TBC1D5: variants seen among roughly 807,000 people sequenced by gnomAD.
The protein encoded by TBC1D5 is TBC1 domain family, member 5.
In TBC1D5, 75 loss-of-function variants were observed where a neutral mutation model predicts 100.3. That is an observed-to-expected ratio of 0.75 (90% CI 0.62 to 0.91). The LOEUF is 0.91. TBC1D5 is among the 40% of genes least tolerant of loss of function. TBC1D5 has a pLI of 0.00. For missense variants in TBC1D5, 910 were observed against 942.4 expected, an observed-to-expected ratio of 0.97 and a Z score of 0.45; for synonymous variants, 323 against 325.6, an observed-to-expected ratio of 0.99 and a Z score of 0.09.
chr3:17,705,011 C>A (rs1289806976), intron 1 of TBC1D5, among the ~76,000 whole-genome samples: 1 of 135,726 alleles, frequency 7.4e-6, no homozygotes, highest in Non-Finnish European at 1.6e-5. Context: ...GCTGACCCCC[C>A]CACCTCCCTC....
At chr3:17,587,605 T>C (rs2096740354) in intron 2 of TBC1D5, among the ~76,000 whole-genome samples, 2 of 152,054 alleles carry the variant, frequency 1.3e-5, no homozygotes, top group South Asian at 4.1e-4. Context: ...ATACAATTCA[T>C]GTTTTATTTG....
chr3:17,741,266 CTG>C (rs568337531), upstream of TBC1D5, among the ~76,000 whole-genome samples: 217 of 152,240 alleles, frequency 1.4e-3, 2 homozygotes, highest in Middle Eastern at 0.041. Context: ...TTTGAGTGTT[CTG>C]TGATACTGCA....
chr3:17,464,108 C>T (rs936561951), intron 3 of TBC1D5, among the ~76,000 whole-genome samples: 5 of 152,052 alleles, frequency 3.3e-5, no homozygotes, highest in African/African-American at 1.2e-4. Context: ...TGCGCCAACA[C>T]ACCCCGTTAA....
chr3:17,618,936 A>G (rs1056273793), intron 2 of TBC1D5, among the ~76,000 whole-genome samples: 1 of 152,170 alleles, frequency 6.6e-6, no homozygotes, highest in Non-Finnish European at 1.5e-5. Context: ...CAGTGAGATG[A>G]ACCAGGTACC....
intron 17 of TBC1D5, among the ~76,000 whole-genome samples, chr3:17,236,693 C>T (rs1170874731): frequency 6.6e-6 from 1 of 152,070 alleles, no homozygotes; most frequent in African/African-American, 2.4e-5. Flanking sequence ...ACCATGTTGG[C>T]CAGGATGGTC....
intron 3 of TBC1D5, among the ~76,000 whole-genome samples, chr3:17,469,640 C>G (rs1185001287): frequency 6.6e-6 from 1 of 152,214 alleles, no homozygotes; most frequent in Non-Finnish European, 1.5e-5. Flanking sequence ...AATTCTAAAC[C>G]TATCAATCAA....
rs1271114956 is a variant in TBC1D5 at position 17,359,420 on chromosome 3, A to G, written c.995+12655T>C. ...TCCATCTTGGTATTATGGGTCAGAT[A>G]AAATTATACCGGTAAAACTCTGTCC... On this transcript the variant is annotated intron_variant, in intron 13 of 21. Coordinates refer to ENST00000253692, the Ensembl canonical transcript of TBC1D5. Among the ~76,000 whole-genome samples the G allele has an allele frequency of 2.6e-5, 4 of 152,224 alleles. No individual in the cohort carries two copies. The East Asian group carries it at 7.7e-4, about 29-fold the overall frequency.
At chr3:17,615,258 T>G (rs555226051) in intron 2 of TBC1D5, among the ~76,000 whole-genome samples, 89 of 152,310 alleles carry the variant, frequency 5.8e-4, no homozygotes, top group African/African-American at 2.0e-3. Context: ...TGGATAAACT[T>G]TTTGATATGC....
At chr3:17,355,645 TA>T (rs997277989) in intron 13 of TBC1D5, among the ~76,000 whole-genome samples, 4 of 123,220 alleles carry the variant, frequency 3.2e-5, no homozygotes, top group African/African-American at 1.2e-4. Flanking sequence ...AAGAAAGTAA[TA>T]AATTTTTTTA....
intron 21 of TBC1D5, among the ~76,000 whole-genome samples, chr3:17,163,978 G>A (rs1304013238): frequency 2.6e-5 from 4 of 152,212 alleles, no homozygotes; most frequent in African/African-American, 9.6e-5. Context: ...GTCCCACAAA[G>A]TCCTGCCTTC....
At chr3:17,619,170 T>C (rs758207727) in intron 2 of TBC1D5, among the ~76,000 whole-genome samples, 4 of 152,016 alleles carry the variant, frequency 2.6e-5, no homozygotes, top group Admixed American at 2.6e-4. Flanking sequence ...ACTGTACAAC[T>C]GAAAAAGAAA....
intron 8 of TBC1D5, among the ~76,000 whole-genome samples, chr3:17,385,173 A>G (rs1294512217): frequency 6.6e-6 from 1 of 152,100 alleles, no homozygotes; most frequent in Non-Finnish European, 1.5e-5. Flanking sequence ...AAAATCATGT[A>G]AGAGCACCAA....
intron 1 of TBC1D5, among the ~76,000 whole-genome samples, chr3:17,648,480 G>A (rs1160023365): frequency 2.0e-5 from 3 of 152,106 alleles, no homozygotes; most frequent in Non-Finnish European, 2.9e-5. Context: ...TGACAAGTGG[G>A]ATCTTATTAA....
intron 15 of TBC1D5, among the ~76,000 whole-genome samples, 168 bp from the exon 16 acceptor site, chr3:17,258,759 T>C (rs956249187): frequency 6.6e-6 from 1 of 152,214 alleles, no homozygotes; most frequent in Non-Finnish European, 1.5e-5. Context: ...TCCTTACTTC[T>C]GATTAAACAC....
At chr3:17,683,239 T>C (rs2069746458) in intron 1 of TBC1D5, among the ~76,000 whole-genome samples, 1 of 151,534 alleles carries the variant, frequency 6.6e-6, no homozygotes, top group Admixed American at 6.6e-5. Context: ...AAGCACTTAA[T>C]CATTCTTTTA....
intron 16 of TBC1D5, among the ~76,000 whole-genome samples, chr3:17,257,658 C>T (rs934155677): frequency 4.6e-5 from 7 of 152,282 alleles, no homozygotes; most frequent in African/African-American, 1.7e-4. Flanking sequence ...AACTTCTTCT[C>T]ATCCCTTAGA....
intron 18 of TBC1D5, among the ~76,000 whole-genome samples, chr3:17,193,005 A>T (rs2070159421): frequency 6.6e-6 from 1 of 152,174 alleles, no homozygotes; most frequent in Admixed American, 6.5e-5. Flanking sequence ...CTAAAACCTA[A>T]ACTCCACAGG....
intron 3 of TBC1D5, among the ~76,000 whole-genome samples, chr3:17,490,935 C>T (rs1242546698): frequency 6.6e-6 from 1 of 152,194 alleles, no homozygotes; most frequent in Non-Finnish European, 1.5e-5. Context: ...TTCTTCCTAT[C>T]CATGAGCATA....
At chr3:17,692,051 T>C (rs1264062418) in intron 1 of TBC1D5, among the ~76,000 whole-genome samples, 2 of 152,222 alleles carry the variant, frequency 1.3e-5, no homozygotes, top group Middle Eastern at 3.4e-3. Flanking sequence ...AGCAATAATA[T>C]CTATATAAAA....
Sources: allele counts gnomAD v4.1 joint callset (sites outside exome capture counted in the v4.1 genomes callset), GRCh38; gene constraint gnomAD v4.1.1; transcripts MANE v1.5; gene names NCBI Gene and HGNC (gene_info 2026-07-23, HGNC 2026-07-21).